The following PARG variants were observed in gnomAD, a reference collection of about 807,000 sequenced individuals.
PARG encodes poly(ADP-ribose) glycohydrolase, also known as mitochondrial poly(ADP-ribose) glycohydrolase.
A neutral mutation model predicts 113.0 loss-of-function variants in PARG; 35 were observed. The observed-to-expected ratio is 0.31, with a 90% CI of 0.24 to 0.41. The LOEUF is 0.41. Among genes scored for constraint, PARG ranks in the 10% least tolerant of loss-of-function variants. The pLI is 1.00. For synonymous variants in PARG, 330 were observed against 409.9 expected, an observed-to-expected ratio of 0.81 and a Z score of 2.36; for missense variants, 797 against 1,169.4, an observed-to-expected ratio of 0.68 and a Z score of 4.64.
At chr10:49,879,859 G>C in intron 8 of PARG, 29 bp from the exon 9 acceptor site, 1 of 888,488 alleles carries the variant, frequency 1.1e-6, no homozygotes, top group East Asian at 2.6e-5. Context: ...AAATACAGAC[G>C]AGAAGAGCAA....
chr10:49,923,180 C>T (rs1436296623), intron 4 of PARG, among the ~76,000 whole-genome samples: 1 of 152,024 alleles, frequency 6.6e-6, no homozygotes, highest in Non-Finnish European at 1.5e-5. Context: ...CTTTTTAATA[C>T]CACTACTACC....
At chr10:49,846,373 GT>G (rs35336063) in intron 13 of PARG, among the ~76,000 whole-genome samples, 416 of 145,450 alleles carry the variant, frequency 2.9e-3, no homozygotes, top group Non-Finnish European at 3.3e-3. Context: ...TGATAGACAT[GT>G]TTTTTTTTTT....
At chr10:49,846,459 T>C (rs1165229674) in intron 13 of PARG, among the ~76,000 whole-genome samples, 2 of 151,848 alleles carry the variant, frequency 1.3e-5, no homozygotes, top group Non-Finnish European at 2.9e-5. Context: ...CCACTTAACA[T>C]TGTATACTTC....
intron 7 of PARG, among the ~76,000 whole-genome samples, chr10:49,888,201 A>C (rs543247069): frequency 9.9e-5 from 15 of 152,142 alleles, no homozygotes; most frequent in African/African-American, 3.6e-4. Flanking sequence ...CTCTACATAC[A>C]TTGATAACTA....
At chr10:49,926,972 G>A (rs1327536355) in intron 4 of PARG, among the ~76,000 whole-genome samples, 2 of 152,068 alleles carry the variant, frequency 1.3e-5, no homozygotes, top group Admixed American at 1.3e-4. Flanking sequence ...ACTGCACTGG[G>A]TGAGTGTACT....
chr10:49,848,443 A>C (rs557594490), intron 13 of PARG, among the ~76,000 whole-genome samples: 1 of 146,226 alleles, frequency 6.8e-6, no homozygotes, highest in South Asian at 2.2e-4. Flanking sequence ...TTCCAGAATC[A>C]AAAGTTCCAA....
chr10:49,941,666 T>C lies in PARG; in HGVS notation c.60A>G (p.Thr20=), dbSNP rs1839085736. Residue 20 remains threonine (T), a synonymous_variant, in exon 1 of 18, where the codon ACA becomes ACG. Transcript: ENST00000616448. The part of the protein sequence containing the change: ...CTKRPRWGAA[T]TSPAASDARS... ...GGGCGTCCGAAGCAGCCGGCGAAGTTGTAGCGGCGCCCCAGCGGGGTCGCT... is the reference window on the plus strand; with the variant it reads ...GGGCGTCCGAAGCAGCCGGCGAAGTCGTAGCGGCGCCCCAGCGGGGTCGCT... The C allele has an allele frequency of 6.3e-7, 1 of 1,596,718 alleles. No homozygotes were observed. Among genetic ancestry groups the C allele is most frequent in the Non-Finnish European group, 8.5e-7 (1 of 1,173,182 alleles).
intron 13 of PARG, among the ~76,000 whole-genome samples, chr10:49,848,967 G>A (rs1436828632): frequency 6.6e-6 from 1 of 151,748 alleles, no homozygotes; most frequent in Non-Finnish European, 1.5e-5. Context: ...ATTCCGAGGT[G>A]GGCGGATCAC....
rs1352206131 is a variant in PARG at position 49,847,340 on chromosome 10, G to A, written c.2354-3708C>T. Reference sequence around the variant, plus strand: ...GAAAAAGTATAACCTGACAGTGGAGGAACCTGGTCAACCCAACTTAACCAA... The same window carrying A: ...GAAAAAGTATAACCTGACAGTGGAGAAACCTGGTCAACCCAACTTAACCAA... On this transcript the variant is annotated intron_variant, in intron 13 of 17. Transcript: ENST00000616448. 1.3e-4 allele frequency among the ~76,000 whole-genome samples: 19 copies of A among 151,738 alleles called. No homozygotes were observed. In the South Asian group the frequency reaches 2.9e-3, roughly 23 times the overall value.
intron 16 of PARG, among the ~76,000 whole-genome samples, chr10:49,821,000 G>A (rs1844047279): frequency 6.6e-6 from 1 of 152,106 alleles, no homozygotes; most frequent in Non-Finnish European, 1.5e-5. Flanking sequence ...GCACATTTGG[G>A]AGGTTCTAAT....
intron 7 of PARG, among the ~76,000 whole-genome samples, chr10:49,913,896 C>G (rs1236455696): frequency 6.6e-6 from 1 of 151,770 alleles, no homozygotes; most frequent in Non-Finnish European, 1.5e-5. Context: ...GAGTGAGACT[C>G]CATTTCATAA....
At chr10:49,940,328 A>G (rs1183345653) in intron 1 of PARG, among the ~76,000 whole-genome samples, 6 of 145,002 alleles carry the variant, frequency 4.1e-5, no homozygotes, top group Non-Finnish European at 9.0e-5. Context: ...CAACAAATAA[A>G]TAAGTCTAAT....
intron 13 of PARG, among the ~76,000 whole-genome samples, chr10:49,849,368 A>T (rs2579037): frequency 6.7e-6 from 1 of 150,374 alleles, no homozygotes; most frequent in African/African-American, 2.5e-5. Flanking sequence ...TATTATAAAG[A>T]TATAGCAACC....
chr10:49,911,072 C>T (rs1201738320), intron 7 of PARG, among the ~76,000 whole-genome samples: 1 of 152,096 alleles, frequency 6.6e-6, no homozygotes, highest in East Asian at 1.9e-4. Context: ...CACCTGAGGT[C>T]AGGAGTTCGA....
intron 1 of PARG, among the ~76,000 whole-genome samples, chr10:49,935,663 A>C (rs1189243774): frequency 2.2e-4 from 34 of 152,158 alleles, no homozygotes; most frequent in Non-Finnish European, 4.4e-4. Flanking sequence ...TTCAGTGAAC[A>C]GGAGAACATG....
rs1838613430 is a variant in PARG, at chr10:49,933,828, T to C, written c.620A>G (p.Asn207Ser). 1.9e-6 allele frequency: 3 copies of C among 1,610,478 alleles called. No homozygotes were observed. The highest frequency in any genetic ancestry group is 1.7e-6 in the Non-Finnish European group (2 of 1,176,696). ...SDTDSEENRD[N>S]QQFLTTVKLA... is the part of the protein sequence containing the mutation. ...CTTTACAGTTGTGAGAAACTGTTGA[T>C]TGTCTCTATTCTCTTCACTATCTGT... is the stretch of plus-strand genomic sequence containing the variant. Residue 207 changes from asparagine (N) to serine (S), a missense_variant, in exon 3 of 18, where the codon AAT (asparagine) becomes AGT (serine). This residue lies in a region of PARG where 284 missense variants were observed against 306.1 expected (regional missense o/e 0.93). Coordinates refer to ENST00000616448, the MANE Select transcript of PARG (RefSeq NM_003631.5).
chr10:49,830,390 T>C (rs781900740), intron 16 of PARG, among the ~76,000 whole-genome samples: 5 of 152,148 alleles, frequency 3.3e-5, no homozygotes, highest in Admixed American at 2.0e-4. Context: ...GTCTTTGAAT[T>C]TGAAGAAAAT....
intron 7 of PARG, among the ~76,000 whole-genome samples, chr10:49,912,387 G>A (rs1166976286): frequency 3.9e-5 from 6 of 152,134 alleles, no homozygotes; most frequent in Admixed American, 6.5e-5. Context: ...GTTTAAGGCC[G>A]AGCGCGGTGG....
In PARG at chr10:49,818,862, T is replaced by TA. The variant is rs933146977; in HGVS notation, c.*477dup. On this transcript the variant is annotated 3_prime_UTR_variant, in exon 18 of 18. Coordinates refer to ENST00000616448, the MANE Select transcript of PARG (RefSeq NM_003631.5). ...TATTAATTTTCAGAATTTAAAAACT[T>TA]AAACAATGCAAGCATATTAAGAGTT... is the stretch of plus-strand genomic sequence containing the variant. The TA allele has an allele frequency of 3.9e-5, 6 of 152,468 alleles. No individual in the cohort carries two copies. The highest frequency in any genetic ancestry group is 1.2e-4 in the African/African-American group (5 of 41,460). 9.4% of individuals were successfully genotyped at this position (152,468 alleles called of 1,614,324 possible). A position where few individuals can be genotyped will look rare whatever the true frequency, so the allele number is the denominator to read the frequency against.
Sources: allele counts gnomAD v4.1 joint callset (sites outside exome capture counted in the v4.1 genomes callset), GRCh38; gene constraint gnomAD v4.1.1; regional missense constraint gnomAD v4.1.1; transcripts MANE v1.5; gene names NCBI Gene and HGNC (gene_info 2026-07-23, HGNC 2026-07-21).